Variants in CPNE4 observed in about 807,000 individuals in gnomAD.
CPNE4 encodes copine 4, also known as copine-4.
Under a neutral mutation model 67.9 loss-of-function variants are expected in CPNE4, and 25 were observed. The ratio of observed to expected loss-of-function variants is 0.37; its 90% CI spans 0.27 to 0.51. The LOEUF (loss-of-function observed/expected upper bound fraction) is 0.51, where lower values mean the gene tolerates loss of function less well. CPNE4 is among the 20% of genes least tolerant of loss of function. The pLI, the probability that CPNE4 is intolerant of heterozygous loss-of-function variation, is 0.93. For missense variants in CPNE4, 464 were observed against 690.8 expected (o/e 0.67, Z 3.68); for synonymous variants, 242 against 244.9 (o/e 0.99, Z 0.11).
intron 7 of CPNE4, among the ~76,000 whole-genome samples, chr3:131,596,569 C>T (rs1256378304): frequency 2.0e-5 from 2 of 99,138 alleles, no homozygotes; most frequent in Non-Finnish European, 3.7e-5. Context: ...TTGCAGTGAG[C>T]CGAGATCCCG....
intron 2 of CPNE4, among the ~76,000 whole-genome samples, chr3:131,749,594 C>T (rs897696662): frequency 1.3e-5 from 2 of 152,010 alleles, no homozygotes; most frequent in Non-Finnish European, 2.9e-5. Context: ...TTACTTCTTT[C>T]AATTCTTTCT....
At chr3:131,665,348 T>C (rs2080230753) in intron 7 of CPNE4, among the ~76,000 whole-genome samples, 1 of 151,986 alleles carries the variant, frequency 6.6e-6, no homozygotes, top group Non-Finnish European at 1.5e-5. Flanking sequence ...AAAAACTATC[T>C]CCATTTTCAA....
At chr3:132,007,464 G>T (rs778293329) in intron 1 of CPNE4, among the ~76,000 whole-genome samples, 1 of 152,068 alleles carries the variant, frequency 6.6e-6, no homozygotes, top group African/African-American at 2.4e-5. Flanking sequence ...AAGAAAACAC[G>T]ACGTAAGTAT....
intron 7 of CPNE4, among the ~76,000 whole-genome samples, chr3:131,592,969 A>C (rs912943885): frequency 1.3e-5 from 2 of 152,172 alleles, no homozygotes; most frequent in African/African-American, 4.8e-5. Context: ...GATTGCCTTG[A>C]ACCCATTAAA....
intron 1 of CPNE4, among the ~76,000 whole-genome samples, chr3:131,931,139 G>C (rs7642768): frequency 0.36 from 54,488 of 151,942 alleles, 10,382 homozygotes; most frequent in African/African-American, 0.47. Context: ...CGTTATGGTA[G>C]GAAGTATAGC....
At chr3:131,955,047 C>A (rs887186577) in intron 1 of CPNE4, among the ~76,000 whole-genome samples, 1 of 148,904 alleles carries the variant, frequency 6.7e-6, no homozygotes, top group Non-Finnish European at 1.5e-5. Flanking sequence ...AGCTAGAAAT[C>A]GCATGTTCCA....
chr3:132,029,024 A>T (rs2074181440), intron 1 of CPNE4, among the ~76,000 whole-genome samples: 1 of 152,082 alleles, frequency 6.6e-6, no homozygotes, highest in Non-Finnish European at 1.5e-5. Context: ...GACACTTTTA[A>T]ACACCTCACA....
intron 1 of CPNE4, among the ~76,000 whole-genome samples, chr3:131,917,430 G>T (rs1234140918): frequency 6.6e-6 from 1 of 152,268 alleles, no homozygotes; most frequent in Admixed American, 6.5e-5. Context: ...GCTGCAATCA[G>T]ACTCATGACC....
intron 1 of CPNE4, among the ~76,000 whole-genome samples, chr3:131,912,979 A>G (rs2089039502): frequency 6.6e-6 from 1 of 152,170 alleles, no homozygotes; most frequent in African/African-American, 2.4e-5. Flanking sequence ...GATATTACTT[A>G]TCTTAGGAAC....
At chr3:131,840,233 C>T (rs924681051) in intron 2 of CPNE4, among the ~76,000 whole-genome samples, 1 of 152,054 alleles carries the variant, frequency 6.6e-6, no homozygotes, top group Non-Finnish European at 1.5e-5. Flanking sequence ...AATTTTATTC[C>T]ATTAGTCATT....
intron 1 of CPNE4, among the ~76,000 whole-genome samples, chr3:131,955,416 T>G (rs1034230222): frequency 8.0e-6 from 1 of 124,372 alleles, no homozygotes; most frequent in South Asian, 2.7e-4. Flanking sequence ...TAAGGTTTTT[T>G]TTTTTTTTTT....
intron 8 of CPNE4, among the ~76,000 whole-genome samples, chr3:131,586,112 T>C (rs2107699130): frequency 6.6e-6 from 1 of 152,282 alleles, no homozygotes; most frequent in African/African-American, 2.4e-5. Context: ...AAAAATGAGT[T>C]GAGGCATCTC....
At chr3:131,822,070 T>A (rs918715800) in intron 2 of CPNE4, among the ~76,000 whole-genome samples, 4 of 152,146 alleles carry the variant, frequency 2.6e-5, no homozygotes, top group African/African-American at 7.2e-5. Flanking sequence ...GAGAAAAAAA[T>A]TAATTCTTAT....
chr3:131,988,972 T>C (rs1003214965), intron 1 of CPNE4, among the ~76,000 whole-genome samples: 9 of 152,200 alleles, frequency 5.9e-5, no homozygotes, highest in African/African-American at 1.2e-4. Context: ...CCCCTCTTTC[T>C]TCCCTTTAGG....
At chr3:131,802,209 AAGTG>A (rs1443116131) in intron 2 of CPNE4, among the ~76,000 whole-genome samples, 1 of 152,194 alleles carries the variant, frequency 6.6e-6, no homozygotes, top group Non-Finnish European at 1.5e-5. Flanking sequence ...GGAATGGACT[AAGTG>A]AGTAAGTCAA....
At chr3:131,815,733 A>G (rs2084712607) in intron 2 of CPNE4, among the ~76,000 whole-genome samples, 1 of 151,696 alleles carries the variant, frequency 6.6e-6, no homozygotes, top group African/African-American at 2.4e-5. Context: ...CTATCTGAAA[A>G]GACATGACTC....
At chr3:131,581,394 G>C (rs1415291922) in intron 9 of CPNE4, among the ~76,000 whole-genome samples, 185 bp downstream of exon 9, 1 of 152,200 alleles carries the variant, frequency 6.6e-6, no homozygotes, top group African/African-American at 2.4e-5. Context: ...ACACTGCGCT[G>C]CCACAGCTCC....
intron 2 of CPNE4, among the ~76,000 whole-genome samples, chr3:131,754,027 A>T (rs1351135361): frequency 6.6e-6 from 1 of 152,216 alleles, no homozygotes; most frequent in Non-Finnish European, 1.5e-5. Context: ...TGGAAACATG[A>T]TGAATGCCCA....
intron 2 of CPNE4, among the ~76,000 whole-genome samples, chr3:131,792,556 C>T (rs2083754999): frequency 1.4e-5 from 2 of 143,500 alleles, no homozygotes; most frequent in African/African-American, 5.1e-5. Context: ...GTGTACCTGC[C>T]GACCAGATAC....
Sources: gnomAD v4.1 joint callset for allele counts (sites outside exome capture counted in the v4.1 genomes callset) on GRCh38, gnomAD v4.1.1 for gene constraint, MANE v1.5 for transcripts, NCBI Gene and HGNC (gene_info 2026-07-23, HGNC 2026-07-21) for gene names.